Variants in FAM220A observed in about 807,000 individuals in gnomAD.
FAM220A encodes protein FAM220A.
For synonymous variants in FAM220A, 141 were observed against 130.7 expected, an observed-to-expected ratio of 1.08 and a Z score of -0.54; for missense variants, 392 against 321.6, an observed-to-expected ratio of 1.22 and a Z score of -1.68.
intron 1 of FAM220A, among the ~76,000 whole-genome samples, chr7:6,338,305 A>G (rs1168496619): frequency 6.6e-6 from 1 of 152,132 alleles, no homozygotes; most frequent in Non-Finnish European, 1.5e-5. Flanking sequence ...GTACCAGATA[A>G]AATATGCCTA....
chr7:6,340,934 C>T (rs1046124241), intron 1 of FAM220A, among the ~76,000 whole-genome samples: 2 of 127,650 alleles, frequency 1.6e-5, no homozygotes, highest in Admixed American at 9.2e-5. Context: ...AAGCTGTCAT[C>T]CTGCCTAACA....
chr7:6,347,926 T>TTATTATTATTAC (rs1480982341), intron 1 of FAM220A, among the ~76,000 whole-genome samples: 1 of 146,444 alleles, frequency 6.8e-6, no homozygotes, highest in Non-Finnish European at 1.5e-5. Context: ...ATTATTATTA[T>TTATTATTATTAC]TGAGATGGAG....
intron 1 of FAM220A, among the ~76,000 whole-genome samples, chr7:6,344,446 G>A (rs927957143): frequency 2.0e-5 from 3 of 151,982 alleles, no homozygotes; most frequent in Non-Finnish European, 2.9e-5. Context: ...TTTTACAGAC[G>A]GGGTCTTGCT....
chr7:6,348,631 C>T lies in FAM220A; in HGVS notation c.-140G>A, dbSNP rs1365231016. The T allele has an allele frequency of 1.8e-5, 9 of 501,180 alleles. No homozygotes were observed. Among genetic ancestry groups the T allele is most frequent in the South Asian group, 3.1e-5 (1 of 32,502 alleles). The allele number at this position is 501,180 out of a possible 1,614,324, so 31.0% of individuals were successfully genotyped here. On this transcript the variant is annotated 5_prime_UTR_variant, in exon 1 of 2. Transcript: ENST00000313324. ...GATGTAGAGGTAGGGGAAGTTGATA[C>T]GCAGCCGCCAGGCCAGGTCGAAGAA...
In FAM220A at chr7:6,330,240, C is replaced by CT; in HGVS notation, c.*134dup. ...TGGCTTTGAATTTAAACTCAATTTA[C>CT]TTTAAGTCTGCCAGGTCGTACAAAA... On this transcript the variant is annotated 3_prime_UTR_variant, in exon 2 of 2. Transcript: ENST00000313324. The CT allele has an allele frequency of 1.2e-6, 1 of 867,030 alleles. No individual in the cohort carries two copies. Among genetic ancestry groups the CT allele is most frequent in the South Asian group, 1.9e-5 (1 of 53,782 alleles). The allele number at this position is 867,030 out of a possible 1,614,324, so 53.7% of individuals were successfully genotyped here. A position where few individuals can be genotyped will look rare whatever the true frequency, so the allele number is the denominator to read the frequency against.
intron 1 of FAM220A, among the ~76,000 whole-genome samples, chr7:6,347,883 T>TTTATTA (rs143253434): frequency 0.2 from 25,999 of 131,214 alleles, 2,907 homozygotes; most frequent in Non-Finnish European, 0.25. Context: ...ACGAGACCCC[T>TTTATTA]TTATTATTAT....
chr7:6,332,077 A>G (rs1385455855), intron 1 of FAM220A, among the ~76,000 whole-genome samples: 1 of 147,828 alleles, frequency 6.8e-6, no homozygotes, highest in Non-Finnish European at 1.5e-5. Flanking sequence ...ATGCCACTGC[A>G]CTCCAGCCTG....
intron 1 of FAM220A, among the ~76,000 whole-genome samples, chr7:6,340,965 T>TTAA (rs1781842004): frequency 1.1e-5 from 1 of 87,438 alleles, no homozygotes; most frequent in South Asian, 3.9e-4. Flanking sequence ...CTGTCTCTAC[T>TTAA]AAAAAAAAAA....
chr7:6,341,268 C>A (rs1487782412), intron 1 of FAM220A, among the ~76,000 whole-genome samples: 2 of 150,672 alleles, frequency 1.3e-5, no homozygotes, highest in African/African-American at 4.9e-5. Context: ...CACGGTGAAA[C>A]CCCATCTCTA....
chr7:6,343,459 G>A (rs1407918194), intron 1 of FAM220A, among the ~76,000 whole-genome samples: 4 of 131,640 alleles, frequency 3.0e-5, no homozygotes, highest in African/African-American at 1.2e-4. Context: ...CTAGGACTAA[G>A]AAACACTTCG....
chr7:6,338,915 C>T (rs114219978), intron 1 of FAM220A, among the ~76,000 whole-genome samples: 1,911 of 152,232 alleles, frequency 0.013, 44 homozygotes, highest in African/African-American at 0.044. Flanking sequence ...GACTGCCGCA[C>T]GCAAGGAGAG....
chr7:6,334,950 T>C (rs1466320167), intron 1 of FAM220A, among the ~76,000 whole-genome samples: 2 of 151,402 alleles, frequency 1.3e-5, no homozygotes, highest in African/African-American at 4.9e-5. Context: ...GTATTTTTAA[T>C]AGAGACGGGT....
chr7:6,335,500 C>T (rs1263152277), intron 1 of FAM220A, among the ~76,000 whole-genome samples: 17 of 151,528 alleles, frequency 1.1e-4, no homozygotes, highest in Non-Finnish European at 2.9e-5. Flanking sequence ...AGTGTTGGGA[C>T]TACAGGTGTG....
chr7:6,344,234 A>C (rs1797679706), intron 1 of FAM220A, among the ~76,000 whole-genome samples: 1 of 152,214 alleles, frequency 6.6e-6, no homozygotes, highest in African/African-American at 2.4e-5. Flanking sequence ...GAAAGCCACA[A>C]AAATTAAACC....
In FAM220A at chr7:6,330,309, A is replaced by C; in HGVS notation, c.*66T>G. 1 of 1,453,114 alleles carries C rather than the reference A, an allele frequency of 6.9e-7. No homozygotes were observed. Among genetic ancestry groups the C allele is most frequent in the Non-Finnish European group, 9.4e-7 (1 of 1,065,792 alleles). 90.0% of individuals were successfully genotyped at this position (1,453,114 alleles called of 1,614,324 possible). A position where few individuals can be genotyped will look rare whatever the true frequency, so the allele number is the denominator to read the frequency against. Reference sequence around the variant, plus strand: ...GGCTGCACAGTTTGCATCCAGACTTAATGCGAAAGAAATCATTCTAAGACA... The same window carrying C: ...GGCTGCACAGTTTGCATCCAGACTTCATGCGAAAGAAATCATTCTAAGACA... On this transcript the variant is annotated 3_prime_UTR_variant, in exon 2 of 2. Coordinates refer to ENST00000313324, the MANE Select transcript of FAM220A (RefSeq NM_001037163.2).
intron 1 of FAM220A, among the ~76,000 whole-genome samples, chr7:6,343,881 T>C (rs1014312432): frequency 3.3e-5 from 5 of 152,078 alleles, no homozygotes; most frequent in African/African-American, 1.2e-4. Context: ...ATTCCTGCAA[T>C]GAAGAGGATG....
intron 1 of FAM220A, among the ~76,000 whole-genome samples, chr7:6,340,387 C>T (rs151234005): frequency 6.6e-4 from 100 of 152,214 alleles, no homozygotes; most frequent in Non-Finnish European, 9.7e-4. Context: ...GACGGAGAAG[C>T]GACCACTGCA....
At chr7:6,331,272 G>T (rs1219306641) in intron 1 of FAM220A, 37 bp from the exon 2 acceptor site, 2 of 1,000,086 alleles carry the variant, frequency 2.0e-6, no homozygotes, top group South Asian at 3.5e-5. Flanking sequence ...CTAAAATGAA[G>T]ACACATGGGT....
At chr7:6,333,037 A>G (rs529729066) in intron 1 of FAM220A, among the ~76,000 whole-genome samples, 13 of 151,802 alleles carry the variant, frequency 8.6e-5, no homozygotes, top group Admixed American at 3.3e-4. Context: ...GGTGCCTGTA[A>G]TCCCAGCTAC....
Sources: allele counts gnomAD v4.1 joint callset (sites outside exome capture counted in the v4.1 genomes callset), GRCh38; gene constraint gnomAD v4.1.1; transcripts MANE v1.5; gene names NCBI Gene and HGNC (gene_info 2026-07-23, HGNC 2026-07-21).